The following PLA2G7 variants were observed in gnomAD, a reference collection of about 807,000 sequenced individuals.
PLA2G7 encodes phospholipase A2 group VII.
PLA2G7 carries 63 observed loss-of-function variants against 49.6 expected under a neutral mutation model. The ratio of observed to expected loss-of-function variants is 1.27; its 90% confidence interval spans 1.04 to 1.57. PLA2G7 has a LOEUF of 1.57. Ranked by LOEUF, PLA2G7 falls within the 40% of genes most tolerant of loss-of-function variation. The pLI, the probability that PLA2G7 is intolerant of heterozygous loss-of-function variation, is 0.00. For synonymous variants in PLA2G7, 193 were observed against 169.9 expected (o/e 1.14, Z -1.06); for missense variants, 596 against 521.2 (o/e 1.14, Z -1.40).
At chr6:46,724,393 A>G (rs1765505444) in intron 1 of PLA2G7, among the ~76,000 whole-genome samples, 1 of 152,238 alleles carries the variant, frequency 6.6e-6, no homozygotes, top group African/African-American at 2.4e-5. Context: ...GAATAAATCT[A>G]GCACATCTGG....
chr6:46,714,465 T>C lies in PLA2G7; in HGVS notation c.465A>G (p.Ala155=). Residue 155 remains alanine (A), a synonymous_variant, in exon 5 of 12, where the codon GCA becomes GCG. Transcript: ENST00000274793. ...PLVVFSHGLG[A]FRTLYSAIGI... ...TTCAACCTCTCAAACATTACCTGAA[T>C]GCCCCAAGACCATGAGAAAAAACAA... The C allele has an allele frequency of 6.2e-7, 1 of 1,601,728 alleles. No homozygotes were observed. Among genetic ancestry groups the C allele is most frequent in the Non-Finnish European group, 8.6e-7 (1 of 1,168,934 alleles).
rs1224430630 is a variant in PLA2G7, at chr6:46,704,288, A to G, written c.*272T>C. The G allele has an allele frequency of 5.8e-6, 2 of 344,304 alleles. No individual in the cohort carries two copies. Among genetic ancestry groups the G allele is most frequent in the African/African-American group, 2.1e-5 (1 of 48,048 alleles). The allele number at this position is 344,304 out of a possible 1,614,324, so 21.3% of individuals were successfully genotyped here. On this transcript the variant is annotated 3_prime_UTR_variant, in exon 12 of 12. Transcript: ENST00000274793. ...TTAACTTCGACACTGAAAAGGAATCATCTTTAAAATTAAAATTTAGGCTGA... is the reference window on the plus strand; with the variant it reads ...TTAACTTCGACACTGAAAAGGAATCGTCTTTAAAATTAAAATTTAGGCTGA...
intron 10 of PLA2G7, among the ~76,000 whole-genome samples, chr6:46,707,366 A>T (rs1764862184): frequency 6.6e-6 from 1 of 152,124 alleles, no homozygotes; most frequent in South Asian, 2.1e-4. Context: ...ATTACCAGTG[A>T]TATAGTTTGG....
rs749893909 is a variant in PLA2G7 at position 46,714,513 on chromosome 6, C to A, written c.417G>T (p.Arg139Ser). 30 of 1,612,516 alleles carry A rather than the reference C, an allele frequency of 1.9e-5. No individual in the cohort carries two copies. Among genetic ancestry groups the A allele is most frequent in the Non-Finnish European group, 2.5e-5 (30 of 1,178,950 alleles). ...CAACAAGTGGATATTTTTCACCAGG[C>A]CTCAGAGGGGAATTCCAGTTTGCAG... ...TTPANWNSPL[R>S]PGEKYPLVVF... is the part of the protein sequence containing the mutation. Residue 139 changes from arginine to serine, a missense_variant, in exon 5 of 12, where the codon AGG becomes AGT. Transcript: ENST00000274793.
At position 46,716,958 on chromosome 6, in the gene PLA2G7, A is replaced by G; in HGVS notation, c.231+17T>C. 1.2e-6 allele frequency: 2 copies of G among 1,611,416 alleles called. No individual in the cohort carries two copies. On this transcript the variant is annotated intron_variant, in intron 3 of 11. Coordinates refer to ENST00000274793, the MANE Select transcript of PLA2G7 (RefSeq NM_005084.4). ...ATATTAGAGTATCAGGATAAGTTGT[A>G]TAAATCAAAGCATTACCTTATTAGT...
chr6:46,705,344 AATT>A lies in PLA2G7; in HGVS notation c.1041-46_1041-44del, dbSNP rs760214781. 2.1e-4 allele frequency: 331 copies of A among 1,547,886 alleles called. 1 individual carries two copies. Among genetic ancestry groups the A allele is most frequent in the East Asian group, 4.1e-4 (18 of 44,304 alleles). On this transcript the variant is annotated intron_variant, in intron 10 of 11. Coordinates refer to ENST00000274793, the MANE Select transcript of PLA2G7 (RefSeq NM_005084.4). ...ATTTAAAAGTCACATTGTTTGATAA[AATT>A]ATTATTTTTTTAGTTAGAGTGTAAG...
At chr6:46,716,022 C>T (rs1190118921) in intron 4 of PLA2G7, among the ~76,000 whole-genome samples, 1 of 152,168 alleles carries the variant, frequency 6.6e-6, no homozygotes, top group Non-Finnish European at 1.5e-5. Flanking sequence ...TACTTTCTTT[C>T]TCTTTTTGTC....
At position 46,704,656 on chromosome 6, in the gene PLA2G7, T is replaced by C. The variant is rs541463135; in HGVS notation, c.1230A>G (p.Glu410=). The change falls in exon 12 of 12, where the codon GAA becomes GAG. Residue 410 remains glutamate (E), a synonymous_variant. Coordinates refer to ENST00000274793, the MANE Select transcript of PLA2G7 (RefSeq NM_005084.4). Reference sequence around the variant, plus strand: ...CTGGAATAAGATTCTCATCATCTCCTTCAATCAAGCAGTCCCACTGATCAA... The same window carrying C: ...CTGGAATAAGATTCTCATCATCTCCCTCAATCAAGCAGTCCCACTGATCAA... The part of the protein sequence containing the change: ...KDFDQWDCLI[E]GDDENLIPGT... 11 of 1,578,262 alleles carry C rather than the reference T, an allele frequency of 7.0e-6. No individual in the cohort carries two copies. The Admixed American group carries it at 1.7e-4, about 24-fold the overall frequency.
intron 1 of PLA2G7, among the ~76,000 whole-genome samples, chr6:46,723,299 C>CCTATATCTAGCATAGGT (rs1765461251): frequency 6.6e-6 from 1 of 152,150 alleles, no homozygotes; most frequent in African/African-American, 2.4e-5. Flanking sequence ...ATGTCTAGCA[C>CCTATATCTAGCATAGGT]ATAGTAAATA....
In PLA2G7 at chr6:46,709,314, C is replaced by G. The variant is rs775857661; in HGVS notation, c.869+13G>C. On this transcript the variant is annotated intron_variant, in intron 9 of 11. Transcript: ENST00000274793. ...ATTTACTATTCTCTTGCTTTACTAT[C>G]TTATTTTCTTACCTGAATCTCTGAT... 2 of 1,428,782 alleles carry G rather than the reference C, an allele frequency of 1.4e-6. No individual in the cohort carries two copies. The highest frequency in any genetic ancestry group is 1.1e-5 in the South Asian group (1 of 87,244). The allele number at this position is 1,428,782 out of a possible 1,614,324, so 88.5% of individuals were successfully genotyped here. A position where few individuals can be genotyped will look rare whatever the true frequency, so the allele number is the denominator to read the frequency against.
At chr6:46,728,428 G>A (rs146468279) in intron 1 of PLA2G7, among the ~76,000 whole-genome samples, 68 of 152,310 alleles carry the variant, frequency 4.5e-4, no homozygotes, top group Non-Finnish European at 4.4e-4. Context: ...TGCTGAGGTT[G>A]AGAAACCCTG....
At chr6:46,708,565 C>A (rs552259205) in intron 9 of PLA2G7, among the ~76,000 whole-genome samples, 1 of 152,026 alleles carries the variant, frequency 6.6e-6, no homozygotes, top group East Asian at 1.9e-4. Flanking sequence ...ATTAGAGTAA[C>A]AATTGGGCCC....
At chr6:46,717,230 A>T (rs527804470) in intron 2 of PLA2G7, 134 bp from the exon 3 acceptor site, 6 of 793,742 alleles carry the variant, frequency 7.6e-6, no homozygotes, top group South Asian at 7.1e-5. Flanking sequence ...AACAAGTAAG[A>T]TATGCAATTA....
intron 4 of PLA2G7, 106 bp from the exon 5 acceptor site, chr6:46,714,659 A>C (rs145025523): frequency 1.3e-6 from 1 of 754,618 alleles, no homozygotes; most frequent in Non-Finnish European, 2.4e-6. Context: ...ATTTATATCT[A>C]CTTTTTTATG....
chr6:46,711,387 T>G, intron 7 of PLA2G7, 109 bp downstream of exon 7: 1 of 1,190,406 alleles, frequency 8.4e-7, no homozygotes, highest in Non-Finnish European at 1.3e-6. Context: ...GAATGGGAAA[T>G]AGGAGAGCTA....
intron 4 of PLA2G7, among the ~76,000 whole-genome samples, chr6:46,714,984 C>T (rs1476962397): frequency 1.3e-5 from 2 of 152,078 alleles, no homozygotes; most frequent in African/African-American, 2.4e-5. Context: ...ATCCACCTGC[C>T]TCAGCCTCCC....
At chr6:46,719,481 G>T (rs1364675390) in intron 2 of PLA2G7, among the ~76,000 whole-genome samples, 2 of 152,182 alleles carry the variant, frequency 1.3e-5, no homozygotes, top group South Asian at 4.1e-4. Context: ...GAGACACTGG[G>T]CTGAAGTTCC....
chr6:46,734,465 A>ACG (rs1765845641), intron 1 of PLA2G7, among the ~76,000 whole-genome samples: 1 of 127,728 alleles, frequency 7.8e-6, no homozygotes, highest in African/African-American at 3.6e-5. Flanking sequence ...AGAGAGAGAG[A>ACG]GAGAGAGAGA....
In PLA2G7 at chr6:46,704,476, T is replaced by TCA. The variant is rs1231508894; in HGVS notation, c.*83_*84insTG. On this transcript the variant is annotated 3_prime_UTR_variant, in exon 12 of 12. Transcript: ENST00000274793. Reference sequence around the variant, plus strand: ...CTCTCTCTCTCTCTCTCTCTCTCTCTCTCACACACACACACACACACACAC... The same window carrying TCA: ...CTCTCTCTCTCTCTCTCTCTCTCTCTCACTCACACACACACACACACACACAC... 5 of 52,196 alleles carry TCA rather than the reference T, an allele frequency of 9.6e-5. No homozygotes were observed. Among genetic ancestry groups the TCA allele is most frequent in the Non-Finnish European group, 1.7e-4 (5 of 29,632 alleles). 3.2% of individuals were successfully genotyped at this position (52,196 alleles called of 1,614,324 possible).
Sources: allele counts gnomAD v4.1 joint callset (sites outside exome capture counted in the v4.1 genomes callset), GRCh38; gene constraint gnomAD v4.1.1; transcripts MANE v1.5; gene names NCBI Gene and HGNC (gene_info 2026-07-23, HGNC 2026-07-21).